CCDC171: variants seen among roughly 807,000 people sequenced by gnomAD.
The protein encoded by CCDC171 is coiled-coil domain-containing protein 171.
In CCDC171, 177 loss-of-function variants were observed where a neutral mutation model predicts 168.2. The observed-to-expected ratio is 1.05, with a 90% CI of 0.93 to 1.19. The LOEUF (loss-of-function observed/expected upper bound fraction) is 1.19. Among genes scored for constraint, CCDC171 ranks in the 50% most tolerant of loss-of-function variants. CCDC171 has a pLI of 0.00. For synonymous variants in CCDC171, 687 were observed against 540.8 expected, an observed-to-expected ratio of 1.27 and a Z score of -3.75; for missense variants, 1,991 against 1,539.0, an observed-to-expected ratio of 1.29 and a Z score of -4.91.
chr9:15,632,438 A>G (rs2045799863), intron 7 of CCDC171, among the ~76,000 whole-genome samples: 1 of 152,194 alleles, frequency 6.6e-6, no homozygotes, highest in African/African-American at 2.4e-5. Flanking sequence ...CAAAGAGAAT[A>G]AAATACCTAG....
At chr9:16,005,908 C>A (rs1425689531) in intron 3 of CCDC171, among the ~76,000 whole-genome samples, 1 of 151,886 alleles carries the variant, frequency 6.6e-6, no homozygotes, top group East Asian at 1.9e-4. Flanking sequence ...AGATTGTTTT[C>A]TTTTTTTATT....
chr9:15,596,516 G>A (rs988712191), intron 6 of CCDC171, among the ~76,000 whole-genome samples: 1 of 151,980 alleles, frequency 6.6e-6, no homozygotes, highest in African/African-American at 2.4e-5. Context: ...CTCTATTTTG[G>A]TACCAGTACC....
chr9:15,657,481 T>C (rs2048026855), intron 8 of CCDC171, among the ~76,000 whole-genome samples: 1 of 152,202 alleles, frequency 6.6e-6, no homozygotes, highest in African/African-American at 2.4e-5. Flanking sequence ...GCTACTTTTG[T>C]GGCAGAGTGG....
At chr9:15,658,072 C>T (rs1043408640) in intron 8 of CCDC171, among the ~76,000 whole-genome samples, 1 of 152,158 alleles carries the variant, frequency 6.6e-6, no homozygotes, top group African/African-American at 2.4e-5. Context: ...TGGCCCTTTA[C>T]AGAAAATGTT....
At chr9:15,777,875 AT>A (rs2057416767) in intron 19 of CCDC171, 49 bp downstream of exon 19, 3 of 1,196,466 alleles carry the variant, frequency 2.5e-6, no homozygotes, top group Non-Finnish European at 3.4e-6. Context: ...TGTAGGTTTA[AT>A]TTTGAATTAG....
intron 11 of CCDC171, among the ~76,000 whole-genome samples, chr9:15,702,070 A>G (rs1284297130): frequency 6.6e-6 from 1 of 152,210 alleles, no homozygotes; most frequent in Admixed American, 6.5e-5. Flanking sequence ...AACAACATTA[A>G]TCTCCTTATA....
At chr9:15,842,022 G>T (rs1446974341) in intron 21 of CCDC171, among the ~76,000 whole-genome samples, 1 of 151,924 alleles carries the variant, frequency 6.6e-6, no homozygotes, top group African/African-American at 2.4e-5. Context: ...ATCTAGAGAT[G>T]TTTAAAGGAA....
At chr9:15,997,343 C>T (rs1483015508) in intron 3 of CCDC171, among the ~76,000 whole-genome samples, 1 of 152,176 alleles carries the variant, frequency 6.6e-6, no homozygotes, top group Non-Finnish European at 1.5e-5. Flanking sequence ...CTGGGGACTG[C>T]CCAGAGGAGC....
chr9:15,588,700 CTTTT>C (rs71323963), intron 4 of CCDC171: 2,794 of 124,094 alleles, frequency 0.023, 52 homozygotes, highest in African/African-American at 0.08. Context: ...AAGATGCAGA[CTTTT>C]TTTTTTTTTT....
chr9:15,820,316 C>A (rs2059717668), intron 21 of CCDC171, among the ~76,000 whole-genome samples: 1 of 115,826 alleles, frequency 8.6e-6, no homozygotes, highest in Non-Finnish European at 1.9e-5. Flanking sequence ...CAAAAGCTAG[C>A]AGAAGGCAAG....
At chr9:15,992,978 A>C (rs540883988) in intron 3 of CCDC171, among the ~76,000 whole-genome samples, 98 of 152,348 alleles carry the variant, frequency 6.4e-4, no homozygotes, top group African/African-American at 2.3e-3. Flanking sequence ...TTCCATGCTC[A>C]TGGATAGGAA....
At chr9:15,773,265 A>C (rs1051374841) in intron 18 of CCDC171, among the ~76,000 whole-genome samples, 5 of 152,156 alleles carry the variant, frequency 3.3e-5, no homozygotes, top group Admixed American at 2.0e-4. Flanking sequence ...TTATTCACGC[A>C]TATATTTTGT....
Position 15,627,568 on chromosome 9 carries a change from G to T in CCDC171, c.822+4155G>T, listed in dbSNP as rs553338798. ...ACATCTTTATTTCTGTCTTCATTTC[G>T]TTATGTACCCAGTAGTCATTCAGGA... is the stretch of plus-strand genomic sequence containing the variant. On this transcript the variant is annotated intron_variant, in intron 7 of 25. Transcript: ENST00000380701. Among the ~76,000 whole-genome samples the T allele has an allele frequency of 5.9e-5, 9 of 152,172 alleles. No individual in the cohort carries two copies. In the South Asian group the frequency reaches 1.9e-3, roughly 32 times the overall value.
chr9:15,720,646 C>A (rs1017778007), intron 11 of CCDC171, among the ~76,000 whole-genome samples: 1 of 152,074 alleles, frequency 6.6e-6, no homozygotes, highest in Non-Finnish European at 1.5e-5. Context: ...TTGCTACTTG[C>A]TTTTTAACAC....
intron 11 of CCDC171, among the ~76,000 whole-genome samples, chr9:15,715,850 T>C (rs561309694): frequency 2.0e-5 from 3 of 152,316 alleles, no homozygotes; most frequent in African/African-American, 7.2e-5. Flanking sequence ...TGAAAAATTA[T>C]TTAGTTTTTG....
chr9:15,729,402 A>G (rs768130004), intron 15 of CCDC171, among the ~76,000 whole-genome samples: 1 of 152,158 alleles, frequency 6.6e-6, no homozygotes, highest in Non-Finnish European at 1.5e-5. Context: ...ATCTAAATAT[A>G]CAAGTAACAC....
At chr9:15,792,604 A>G (rs1221571027) in intron 21 of CCDC171, among the ~76,000 whole-genome samples, 1 of 152,224 alleles carries the variant, frequency 6.6e-6, no homozygotes, top group East Asian at 1.9e-4. Context: ...AGGGAAGCCC[A>G]TCAGACTAAC....
intron 4 of CCDC171, among the ~76,000 whole-genome samples, chr9:15,585,659 G>C (rs567635860): frequency 6.6e-6 from 1 of 152,134 alleles, no homozygotes; most frequent in Non-Finnish European, 1.5e-5. Flanking sequence ...TATTTTGATA[G>C]GTGTTTGGGT....
the CCDC171 span, among the ~76,000 whole-genome samples, chr9:16,070,357 G>GAAAAAGTA: frequency 4.6e-5 from 7 of 152,334 alleles, no homozygotes; most frequent in East Asian, 1.2e-3. Flanking sequence ...TCTTTCACTG[G>GAAAAAGTA]AAAAAGTACC....
Sources: allele counts gnomAD v4.1 joint callset (sites outside exome capture counted in the v4.1 genomes callset), GRCh38; gene constraint gnomAD v4.1.1; transcripts MANE v1.5; gene names NCBI Gene and HGNC (gene_info 2026-07-23, HGNC 2026-07-21).